Variants in ROR2 observed in about 807,000 individuals in gnomAD.
The protein encoded by ROR2 is ROR family WNT receptor 2, also known as tyrosine-protein kinase transmembrane receptor ROR2.
Under a neutral mutation model 74.9 loss-of-function variants are expected in ROR2, and 33 were observed. The observed-to-expected ratio is 0.44, with a 90% CI of 0.33 to 0.59. The LOEUF (loss-of-function observed/expected upper bound fraction) is 0.59. ROR2 is among the 20% of genes least tolerant of loss of function. ROR2 has a pLI of 0.02. For missense variants in ROR2, 1,216 were observed against 1,313.8 expected, an observed-to-expected ratio of 0.93 and a Z score of 1.15; for synonymous variants, 586 against 558.7, an observed-to-expected ratio of 1.05 and a Z score of -0.69.
chr9:91,868,605 T>G (rs1829708214), intron 1 of ROR2, among the ~76,000 whole-genome samples: 1 of 152,216 alleles, frequency 6.6e-6, no homozygotes, highest in African/African-American at 2.4e-5. Flanking sequence ...GAGGTAAAAC[T>G]ATTTTAAAGT....
chr9:91,897,698 A>C (rs976371288), intron 1 of ROR2, among the ~76,000 whole-genome samples: 1 of 152,128 alleles, frequency 6.6e-6, no homozygotes, highest in Non-Finnish European at 1.5e-5. Flanking sequence ...GCATCTCACA[A>C]AGGGGCCTGG....
At chr9:91,886,649 C>T (rs4744113) in intron 1 of ROR2, 44,075 of 152,156 alleles carry the variant, frequency 0.29, 6,748 homozygotes, top group Admixed American at 0.44. Flanking sequence ...CACACCGCCT[C>T]TACTCGGGAA....
At chr9:91,737,041 G>T (rs1825053393) in intron 5 of ROR2, among the ~76,000 whole-genome samples, 1 of 152,230 alleles carries the variant, frequency 6.6e-6, no homozygotes, top group Non-Finnish European at 1.5e-5. Flanking sequence ...GAGTGTGGGG[G>T]CGCTGAGGCT....
chr9:91,926,567 A>C, intron 1 of ROR2, among the ~76,000 whole-genome samples: 1 of 151,758 alleles, frequency 6.6e-6, no homozygotes, highest in African/African-American at 2.4e-5. Flanking sequence ...AAAAGAAGAC[A>C]TCCTATATTT....
intron 1 of ROR2, among the ~76,000 whole-genome samples, chr9:91,885,868 C>CT (rs542499117): frequency 0.31 from 33,037 of 108,246 alleles, 6,301 homozygotes; most frequent in African/African-American, 0.5. Flanking sequence ...GTATGGTTTC[C>CT]TTTTTTTTTT....
At chr9:91,823,908 C>T (rs983039443) in intron 1 of ROR2, among the ~76,000 whole-genome samples, 3 of 152,162 alleles carry the variant, frequency 2.0e-5, no homozygotes, top group African/African-American at 7.2e-5. Flanking sequence ...CAATCTCTGC[C>T]GGATTCACCA....
At position 91,813,804 on chromosome 9, in the gene ROR2, G is replaced by A. The variant is rs77187529; in HGVS notation, c.98-37986C>T. On this transcript the variant is annotated intron_variant, in intron 1 of 8. Coordinates refer to ENST00000375708, the MANE Select transcript of ROR2 (RefSeq NM_004560.4). The stretch of plus-strand genomic sequence containing the variant: ...CCATCCTAAACTCTAAGTCCTCAGA[G>A]AGCGTGTTTACCGCCTGGGAAAAAT... Among the ~76,000 whole-genome samples the A allele has an allele frequency of 2.8e-4, 42 of 152,242 alleles. No individual in the cohort carries two copies. In the East Asian group the frequency reaches 7.7e-3, roughly 28 times the overall value.
At chr9:91,839,684 GGTGT>G (rs751606989) in intron 1 of ROR2, among the ~76,000 whole-genome samples, 4 of 149,340 alleles carry the variant, frequency 2.7e-5, no homozygotes, top group African/African-American at 7.4e-5. Context: ...ATATGGTGTG[GGTGT>G]GTGTGTGTTG....
At chr9:91,792,668 A>C (rs957911257) in intron 1 of ROR2, among the ~76,000 whole-genome samples, 14 of 152,224 alleles carry the variant, frequency 9.2e-5, no homozygotes, top group African/African-American at 3.4e-4. Flanking sequence ...GAGAAGACTC[A>C]AATTATTAAT....
chr9:91,863,956 T>C (rs1381212466), intron 1 of ROR2, among the ~76,000 whole-genome samples: 2 of 151,686 alleles, frequency 1.3e-5, no homozygotes, highest in Non-Finnish European at 2.9e-5. Context: ...ATGCTGGAAA[T>C]GGGAAGGGAA....
Position 91,933,108 on chromosome 9 carries a change from C to T in ROR2, c.97+16759G>A, listed in dbSNP as rs929035755. On this transcript the variant is annotated intron_variant, in intron 1 of 8. Coordinates refer to ENST00000375708, the MANE Select transcript of ROR2 (RefSeq NM_004560.4). ...CAGGCGGATCATGAGGTCAGAACAT[C>T]GAGACTATCCTGACTAACACGGTCA... 3.3e-5 allele frequency among the ~76,000 whole-genome samples: 5 copies of T among 152,152 alleles called. No individual in the cohort carries two copies. The East Asian group carries it at 9.7e-4, about 29-fold the overall frequency.
chr9:91,949,056 G>A (rs1474840559), intron 1 of ROR2, among the ~76,000 whole-genome samples: 2 of 151,850 alleles, frequency 1.3e-5, no homozygotes, highest in Non-Finnish European at 2.9e-5. Context: ...GGCCCCGGGA[G>A]GAAACCCACC....
At chr9:91,929,806 C>T (rs1328136445) in intron 1 of ROR2, among the ~76,000 whole-genome samples, 3 of 152,074 alleles carry the variant, frequency 2.0e-5, no homozygotes, top group African/African-American at 7.2e-5. Flanking sequence ...AGAGGACGGC[C>T]ACTACCTCAA....
chr9:91,894,759 C>G (rs1378527128), intron 1 of ROR2, among the ~76,000 whole-genome samples: 1 of 152,178 alleles, frequency 6.6e-6, no homozygotes, highest in Non-Finnish European at 1.5e-5. Context: ...GAAAGTTCCT[C>G]CTATCCAAAA....
intron 1 of ROR2, among the ~76,000 whole-genome samples, chr9:91,836,373 C>A (rs937006073): frequency 3.3e-5 from 5 of 152,068 alleles, no homozygotes; most frequent in African/African-American, 1.2e-4. Context: ...AACCCCCTTT[C>A]TACTAAAAAT....
intron 1 of ROR2, among the ~76,000 whole-genome samples, chr9:91,806,744 C>T (rs1421013989): frequency 2.0e-5 from 3 of 152,166 alleles, no homozygotes; most frequent in Non-Finnish European, 4.4e-5. Context: ...CACCCACCAC[C>T]ACACCCGGCT....
intron 1 of ROR2, among the ~76,000 whole-genome samples, chr9:91,808,992 G>A (rs1257582976): frequency 6.8e-6 from 1 of 147,474 alleles, no homozygotes; most frequent in East Asian, 2.1e-4. Context: ...AACAGAGTGA[G>A]ACTCCATCTC....
Position 91,733,235 on chromosome 9 carries a change from G to A in ROR2, c.824C>T (p.Pro275Leu), listed in dbSNP as rs752527875. 22 of 1,612,548 alleles carry A rather than the reference G, an allele frequency of 1.4e-5. No individual in the cohort carries two copies. The highest frequency in any genetic ancestry group is 1.6e-5 in the Non-Finnish European group (19 of 1,179,700). ...CAGCTGAAGCCGCATGAGGATGAGC[G>A]GGTTGGAGCGGGCGATGGTGTACTC... ...RQEYTIARSN[P>L]LILMRLQLPK... The change falls in exon 6 of 9, where the codon CCG (proline) becomes CTG (leucine). Residue 275 changes from proline to leucine, a missense_variant. Physicochemically the swap from Pro to Leu is moderately conservative, Grantham distance 98 (BLOSUM62 -3). Coordinates refer to ENST00000375708, the MANE Select transcript of ROR2 (RefSeq NM_004560.4). The surrounding 1 kb of genome is among the most constrained non-coding windows in gnomAD (Gnocchi z 5.7).
In ROR2 at chr9:91,929,330, G is replaced by A. The variant is rs574761447; in HGVS notation, c.97+20537C>T. Among the ~76,000 whole-genome samples the A allele has an allele frequency of 5.9e-5, 9 of 152,150 alleles. 1 individual carries two copies. Among genetic ancestry groups the A allele is most frequent in the South Asian group, 2.1e-4 (1 of 4,830 alleles). On this transcript the variant is annotated intron_variant, in intron 1 of 8. Coordinates refer to ENST00000375708, the MANE Select transcript of ROR2 (RefSeq NM_004560.4). ...CACAGTGAAATCCACTTTGCAAAACGTTACCGCAGCCACAGAGGAAAATTT... is the reference window on the plus strand; with the variant it reads ...CACAGTGAAATCCACTTTGCAAAACATTACCGCAGCCACAGAGGAAAATTT...
Sources: allele counts gnomAD v4.1 joint callset (sites outside exome capture counted in the v4.1 genomes callset), GRCh38; gene constraint gnomAD v4.1.1; non-coding constraint Gnocchi (gnomAD v3.1); transcripts MANE v1.5; gene names NCBI Gene and HGNC (gene_info 2026-07-23, HGNC 2026-07-21).